ARFIP1: variants seen among roughly 807,000 people sequenced by gnomAD.
ARFIP1 encodes the protein ARF interacting protein 1.
Under a neutral mutation model 42.5 loss-of-function variants are expected in ARFIP1, and 24 were observed. The observed-to-expected ratio is 0.57, with a 90% CI of 0.41 to 0.80. The LOEUF (loss-of-function observed/expected upper bound fraction) is 0.80. Ranked by LOEUF, ARFIP1 falls within the 30% of genes least tolerant of loss-of-function variation. The probability of loss-of-function intolerance (pLI) is 0.00; values close to 1 mark genes in which losing one functional copy is unlikely to be tolerated. For missense variants in ARFIP1, 354 were observed against 434.0 expected (o/e 0.82, Z 1.64); for synonymous variants, 141 against 153.7 (o/e 0.92, Z 0.61).
chr4:152,812,313 G>C (rs1302767402), intron 1 of ARFIP1, among the ~76,000 whole-genome samples: 1 of 152,172 alleles, frequency 6.6e-6, no homozygotes, highest in African/African-American at 2.4e-5. Context: ...TTCCACCTCA[G>C]CCTCCTGAGT....
intron 1 of ARFIP1, among the ~76,000 whole-genome samples, chr4:152,808,739 T>C (rs543605698): frequency 6.6e-6 from 1 of 152,258 alleles, no homozygotes; most frequent in African/African-American, 2.4e-5. Flanking sequence ...TGAATGACTT[T>C]GTAGCTCCTT....
chr4:152,871,669 A>G (rs1047697139), intron 4 of ARFIP1, among the ~76,000 whole-genome samples: 9 of 152,038 alleles, frequency 5.9e-5, no homozygotes, highest in Non-Finnish European at 1.3e-4. Context: ...AAATTATTAG[A>G]AAGTTTCCAT....
intron 1 of ARFIP1, among the ~76,000 whole-genome samples, chr4:152,816,286 G>T (rs999082856): frequency 3.3e-5 from 5 of 152,166 alleles, no homozygotes; most frequent in Admixed American, 6.5e-5. Flanking sequence ...CAGAGTTCTC[G>T]TGATAATTTT....
At chr4:152,830,615 G>C (rs1191507091) in intron 2 of ARFIP1, among the ~76,000 whole-genome samples, 2 of 152,110 alleles carry the variant, frequency 1.3e-5, no homozygotes, top group African/African-American at 4.8e-5. Flanking sequence ...GTTAGCAGAA[G>C]GTGATAACTT....
At chr4:152,897,818 T>G (rs776807890) in intron 8 of ARFIP1, among the ~76,000 whole-genome samples, 8 of 152,118 alleles carry the variant, frequency 5.3e-5, no homozygotes, top group Non-Finnish European at 8.8e-5. Flanking sequence ...GGTTGTGCTG[T>G]TGATGATGGT....
chr4:152,870,367 C>T (rs892616439), intron 3 of ARFIP1, among the ~76,000 whole-genome samples: 1 of 152,118 alleles, frequency 6.6e-6, no homozygotes, highest in African/African-American at 2.4e-5. Context: ...AGAGCTTTTC[C>T]TTTATATATG....
chr4:152,875,572 C>T (rs1735264618), intron 5 of ARFIP1, among the ~76,000 whole-genome samples: 1 of 152,050 alleles, frequency 6.6e-6, no homozygotes. Context: ...CATGTTGCCT[C>T]ATTCATTTAT....
chr4:152,822,566 C>A (rs1456214067), intron 1 of ARFIP1, among the ~76,000 whole-genome samples: 1 of 152,114 alleles, frequency 6.6e-6, no homozygotes, highest in African/African-American at 2.4e-5. Context: ...ACAAATAGAT[C>A]TAACATATTT....
At chr4:152,798,616 A>G (rs1731618126) in intron 1 of ARFIP1, among the ~76,000 whole-genome samples, 1 of 152,214 alleles carries the variant, frequency 6.6e-6, no homozygotes, top group African/African-American at 2.4e-5. Context: ...TTCTTAATGT[A>G]TTACATTCTG....
At chr4:152,802,521 T>C (rs72966432) in intron 1 of ARFIP1, among the ~76,000 whole-genome samples, 2,143 of 152,232 alleles carry the variant, frequency 0.014, 27 homozygotes, top group African/African-American at 0.034. Context: ...CAAATAACTT[T>C]AAAAAAATAG....
rs36085096 is a variant in ARFIP1, at chr4:152,904,198, A to ATATATTT, written c.967-5865_967-5864insATATTTT. On this transcript the variant is annotated intron_variant, in intron 8 of 8. Coordinates refer to ENST00000353617, the MANE Select transcript of ARFIP1 (RefSeq NM_001025595.3). ...TGTGTGTGTATATATATATATATAT[A>ATATATTT]TTTTTTTTTTTTTAACGGAGTCTCG... Among the ~76,000 whole-genome samples, 68 of 126,696 alleles carry ATATATTT rather than the reference A, an allele frequency of 5.4e-4. 1 individual carries two copies. The highest frequency in any genetic ancestry group is 2.5e-4 in the South Asian group (1 of 3,950). The allele number at this position is 126,696 out of a possible 152,430, so 83.1% of individuals were successfully genotyped here. A position where few individuals can be genotyped will look rare whatever the true frequency, so the allele number is the denominator to read the frequency against.
intron 1 of ARFIP1, among the ~76,000 whole-genome samples, chr4:152,823,288 A>G (rs888563316): frequency 1.3e-5 from 2 of 151,736 alleles, no homozygotes; most frequent in Non-Finnish European, 2.9e-5. Flanking sequence ...ACAAACTAGA[A>G]AATCTAGAGG....
At chr4:152,880,905 A>C (rs1735789595) in intron 5 of ARFIP1, 58 bp from the exon 6 acceptor site, 5 of 1,380,442 alleles carry the variant, frequency 3.6e-6, no homozygotes, top group Non-Finnish European at 5.1e-6. Context: ...CATATGCTCT[A>C]GCATTTATAT....
intron 1 of ARFIP1, among the ~76,000 whole-genome samples, chr4:152,800,224 T>C (rs1728287352): frequency 6.6e-6 from 1 of 152,196 alleles, no homozygotes; most frequent in Non-Finnish European, 1.5e-5. Context: ...AATTTAAACC[T>C]GCATGTTTAA....
chr4:152,902,572 A>G (rs1406573389), intron 8 of ARFIP1, among the ~76,000 whole-genome samples: 1 of 152,200 alleles, frequency 6.6e-6, no homozygotes, highest in Non-Finnish European at 1.5e-5. Flanking sequence ...GTCATATAGA[A>G]GGTGTTTCCA....
At chr4:152,846,086 G>A (rs1276843745) in intron 2 of ARFIP1, among the ~76,000 whole-genome samples, 2 of 152,130 alleles carry the variant, frequency 1.3e-5, no homozygotes, top group African/African-American at 4.8e-5. Flanking sequence ...TTTTGTTGCT[G>A]CTGAATTAAC....
At chr4:152,889,766 AC>A (rs1225365038) in intron 8 of ARFIP1, among the ~76,000 whole-genome samples, 3 of 73,196 alleles carry the variant, frequency 4.1e-5, no homozygotes, top group Admixed American at 1.9e-4. Context: ...TATATACTAT[AC>A]TATATACTAT....
At chr4:152,909,702 G>A (rs1479957011) in intron 8 of ARFIP1, among the ~76,000 whole-genome samples, 2 of 152,162 alleles carry the variant, frequency 1.3e-5, no homozygotes, top group African/African-American at 2.4e-5. Flanking sequence ...CATACATTGT[G>A]TAGCAATTAT....
At chr4:152,803,975 TTA>T (rs143762689) in intron 1 of ARFIP1, among the ~76,000 whole-genome samples, 51,235 of 137,138 alleles carry the variant, frequency 0.37, 10,615 homozygotes, top group Admixed American at 0.49. Context: ...ATAACATGTA[TTA>T]TATATATTTT....
Sources: gnomAD v4.1 joint callset for allele counts (sites outside exome capture counted in the v4.1 genomes callset) on GRCh38, gnomAD v4.1.1 for gene constraint, MANE v1.5 for transcripts, NCBI Gene and HGNC (gene_info 2026-07-23, HGNC 2026-07-21) for gene names.